The following SLC37A2 variants were observed in gnomAD, a reference collection of about 807,000 sequenced individuals.
SLC37A2 encodes glucose-6-phosphate exchanger SLC37A2.
A neutral mutation model predicts 70.7 loss-of-function variants in SLC37A2; 59 were observed. The ratio of observed to expected loss-of-function variants is 0.83; its 90% CI spans 0.68 to 1.04. The LOEUF is 1.04. Among genes scored for constraint, SLC37A2 ranks in the 50% least tolerant of loss-of-function variants. SLC37A2 has a pLI of 0.00. For synonymous variants in SLC37A2, 257 were observed against 262.1 expected (o/e 0.98, Z 0.19); for missense variants, 580 against 658.1 (o/e 0.88, Z 1.30).
chr11:125,084,791 C>T (rs373707344), intron 12 of SLC37A2, 34 bp from the exon 13 acceptor site: 49 of 1,609,530 alleles, frequency 3.0e-5, no homozygotes, highest in Admixed American at 6.7e-5. Flanking sequence ...AAAGGGATTC[C>T]GGGTGACTCT....
At position 125,083,499 on chromosome 11, in the gene SLC37A2, C is replaced by T. The variant is rs779610665; in HGVS notation, c.977-316C>T. On this transcript the variant is annotated intron_variant, in intron 10 of 17. Transcript: ENST00000403796. This position sits in a 1 kb window ranked among gnomAD's most constrained non-coding sequence, Gnocchi z 4.6. ...AAGGGCTGGGCTGAGCTTCAGGTTG[C>T]GCTCCAGGGGAAAGGTGGCCACGGG... The T allele has an allele frequency of 3.2e-5, 10 of 308,632 alleles. No homozygotes were observed. Among genetic ancestry groups the T allele is most frequent in the Non-Finnish European group, 5.5e-5 (9 of 162,686 alleles). The allele number at this position is 308,632 out of a possible 1,614,324, so 19.1% of individuals were successfully genotyped here.
chr11:125,084,796 G>C (rs1465624241), intron 12 of SLC37A2, 29 bp from the exon 13 acceptor site: 6 of 1,611,410 alleles, frequency 3.7e-6, no homozygotes, highest in Non-Finnish European at 5.1e-6. Context: ...GATTCCGGGT[G>C]ACTCTGCCTC....
chr11:125,068,251 A>T (rs1948999870), intron 1 of SLC37A2, among the ~76,000 whole-genome samples: 1 of 152,200 alleles, frequency 6.6e-6, no homozygotes, highest in Admixed American at 6.5e-5. Context: ...CATCAATAAA[A>T]GTCAGATGGG....
rs1358897431 is a variant in SLC37A2, at chr11:125,077,898, G to A, written c.314+370G>A. ...ACGGGAAGCATGCTGTTCCTTGCCAGGAATCCACGATCAATAAGGCTGCAT... is the reference window on the plus strand; with the variant it reads ...ACGGGAAGCATGCTGTTCCTTGCCAAGAATCCACGATCAATAAGGCTGCAT... On this transcript the variant is annotated intron_variant, in intron 4 of 17. Transcript: ENST00000403796. Among the ~76,000 whole-genome samples the A allele has an allele frequency of 2.0e-5, 3 of 152,182 alleles. No individual in the cohort carries two copies. In the East Asian group the frequency reaches 5.8e-4, roughly 29 times the overall value.
At chr11:125,082,092 C>T in intron 9 of SLC37A2, 152 bp from the exon 10 acceptor site, 1 of 968,132 alleles carries the variant, frequency 1.0e-6, no homozygotes, top group Admixed American at 2.1e-5. Flanking sequence ...GCACAGTGGT[C>T]ATGTTGCTTT....
chr11:125,074,726 TG>T (rs2135565312), intron 1 of SLC37A2, among the ~76,000 whole-genome samples: 1 of 152,274 alleles, frequency 6.6e-6, no homozygotes, highest in South Asian at 2.1e-4. Context: ...AGGTGCAGTC[TG>T]GCTTCCTAGT....
At position 125,080,888 on chromosome 11, in the gene SLC37A2, G is replaced by C; in HGVS notation, c.694+108G>C. The C allele has an allele frequency of 1.0e-6, 1 of 971,484 alleles. No individual in the cohort carries two copies. Among genetic ancestry groups the C allele is most frequent in the Non-Finnish European group, 1.4e-6 (1 of 722,382 alleles). 60.2% of individuals were successfully genotyped at this position (971,484 alleles called of 1,614,324 possible). A position where few individuals can be genotyped will look rare whatever the true frequency, so the allele number is the denominator to read the frequency against. ...TGCTGGTCACAGAGTGGGAGGACCA[G>C]CCGTGTGACTTTGGACAATCTTTCA... On this transcript the variant is annotated intron_variant, in intron 7 of 17. Transcript: ENST00000403796. This position sits in a 1 kb window ranked among gnomAD's most constrained non-coding sequence, Gnocchi z 4.3.
At position 125,083,754 on chromosome 11, in the gene SLC37A2, T is replaced by C. The variant is rs1338678443; in HGVS notation, c.977-61T>C. 7.6e-6 allele frequency: 11 copies of C among 1,452,100 alleles called. No individual in the cohort carries two copies. Among genetic ancestry groups the C allele is most frequent in the Non-Finnish European group, 9.7e-6 (10 of 1,032,502 alleles). 90.0% of individuals were successfully genotyped at this position (1,452,100 alleles called of 1,614,324 possible). A position where few individuals can be genotyped will look rare whatever the true frequency, so the allele number is the denominator to read the frequency against. ...TCACGCTCTGCAGGGCTTCTAGCTG[T>C]GACACTCCAGGATGTTTGCCCCAAA... On this transcript the variant is annotated intron_variant, in intron 10 of 17. Coordinates refer to ENST00000403796, the MANE Select transcript of SLC37A2 (RefSeq NM_001145290.2). The surrounding 1 kb of genome is among the most constrained non-coding windows in gnomAD (Gnocchi z 4.6).
At chr11:125,082,979 G>A (rs1473432818) in intron 10 of SLC37A2, among the ~76,000 whole-genome samples, 1 of 152,190 alleles carries the variant, frequency 6.6e-6, no homozygotes, top group Non-Finnish European at 1.5e-5. Flanking sequence ...AGGTCAGGCT[G>A]CTCTACCAAA....
Position 125,081,326 on chromosome 11 carries a change from G to A in SLC37A2, c.695-95G>A, listed in dbSNP as rs971126700. 12 of 1,292,714 alleles carry A rather than the reference G, an allele frequency of 9.3e-6. No individual in the cohort carries two copies. The African/African-American group carries it at 1.7e-4, about 18-fold the overall frequency. 80.1% of individuals were successfully genotyped at this position (1,292,714 alleles called of 1,614,324 possible). The stretch of plus-strand genomic sequence containing the variant: ...GGAGGCGGGGCTGGTTCCCGGGATG[G>A]CTTAGATCCAGTGCAAGGTGAGGGC... On this transcript the variant is annotated intron_variant, in intron 7 of 17. Transcript: ENST00000403796.
intron 17 of SLC37A2, chr11:125,087,668 T>C (rs7944192): frequency 0.18 from 27,453 of 152,818 alleles, 2,652 homozygotes; most frequent in Non-Finnish European, 0.21. Flanking sequence ...GTTTTGCTCT[T>C]ATTGCCCAGG....
chr11:125,079,108 C>T lies in SLC37A2; in HGVS notation c.315-4C>T, dbSNP rs1949120211. On this transcript the variant is annotated splice_region_variant and splice_polypyrimidine_tract_variant and intron_variant, in intron 4 of 17. Coordinates refer to ENST00000403796, the MANE Select transcript of SLC37A2 (RefSeq NM_001145290.2). ...AACCGCAGATCCAACTTTCTCTTCC[C>T]CAGTGGGGTTTTTGGGGAGCGGCTT... 3 of 1,614,124 alleles carry T rather than the reference C, an allele frequency of 1.9e-6. No individual in the cohort carries two copies. Among genetic ancestry groups the T allele is most frequent in the Non-Finnish European group, 2.5e-6 (3 of 1,179,984 alleles).
intron 14 of SLC37A2, 70 bp downstream of exon 14, chr11:125,085,209 C>G: frequency 6.8e-7 from 1 of 1,467,886 alleles, no homozygotes; most frequent in East Asian, 2.3e-5. Context: ...ATCTCCAGGT[C>G]CATTTCTCCC....
Position 125,088,278 on chromosome 11 carries a change from T to TGG in SLC37A2, c.*145_*146insGG. The TGG allele has an allele frequency of 1.1e-6, 1 of 894,484 alleles. No individual in the cohort carries two copies. The highest frequency in any genetic ancestry group is 1.7e-6 in the Non-Finnish European group (1 of 582,664). The allele number at this position is 894,484 out of a possible 1,614,324, so 55.4% of individuals were successfully genotyped here. On this transcript the variant is annotated 3_prime_UTR_variant, in exon 18 of 18. Transcript: ENST00000403796. ...GCCAGCCCAGCCCAGACCCCAGGGC[T>TGG]GCCTAAGGACACAGAGATTCTCCAT...
intron 9 of SLC37A2, 86 bp downstream of exon 9, chr11:125,081,992 T>C: frequency 1.4e-6 from 2 of 1,456,210 alleles, no homozygotes; most frequent in Non-Finnish European, 1.9e-6. Flanking sequence ...TTGGGTGATC[T>C]ATTTTTCTAG....
rs1405880443 is a variant in SLC37A2 at position 125,080,156 on chromosome 11, C to T, written c.527+396C>T. 1.3e-5 allele frequency among the ~76,000 whole-genome samples: 2 copies of T among 152,134 alleles called. No individual in the cohort carries two copies. Among genetic ancestry groups the T allele is most frequent in the African/African-American group, 4.8e-5 (2 of 41,420 alleles). ...ATTGGACCCTTGTTTGGGGACTGTC[C>T]TACCACTGCAGGCTGTTTAGTAGTA... is the stretch of plus-strand genomic sequence containing the variant. On this transcript the variant is annotated intron_variant, in intron 6 of 17. Transcript: ENST00000403796. This position sits in a 1 kb window ranked among gnomAD's most constrained non-coding sequence, Gnocchi z 4.3.
chr11:125,077,546 G>A lies in SLC37A2; in HGVS notation c.314+18G>A, dbSNP rs1433051984. The A allele has an allele frequency of 1.9e-6, 3 of 1,606,036 alleles. No individual in the cohort carries two copies. The highest frequency in any genetic ancestry group is 1.7e-6 in the Non-Finnish European group (2 of 1,174,554). On this transcript the variant is annotated intron_variant, in intron 4 of 17. Transcript: ENST00000403796. The stretch of plus-strand genomic sequence containing the variant: ...TTCATCAGGTAAGGACAGAGGCTGA[G>A]CCTATGACCAAGAGGAGGATGGTTT...
chr11:125,089,385 C>G lies in SLC37A2; in HGVS notation c.*1251C>G, dbSNP rs1011119875. ...TCGGCGCCTCCTCTGCCTGGGCTCC[C>G]ACTTTGGCGGCACTTGAGGAGCCCT... On this transcript the variant is annotated 3_prime_UTR_variant, in exon 18 of 18. Coordinates refer to ENST00000403796, the MANE Select transcript of SLC37A2 (RefSeq NM_001145290.2). 1.3e-5 allele frequency: 2 copies of G among 155,242 alleles called. No individual in the cohort carries two copies. The highest frequency in any genetic ancestry group is 4.8e-5 in the African/African-American group (2 of 41,506). The allele number at this position is 155,242 out of a possible 1,614,324, so 9.6% of individuals were successfully genotyped here.
In SLC37A2 at chr11:125,084,865, G is replaced by T; in HGVS notation, c.1166G>T (p.Ser389Ile). 6.2e-7 allele frequency: 1 copy of T among 1,613,690 alleles called. No individual in the cohort carries two copies. The highest frequency in any genetic ancestry group is 8.5e-7 in the Non-Finnish European group (1 of 1,179,840). ...YNYIGQDGIA[S>I]SIVMLIICGG... ...TACATTGGCCAGGACGGGATTGCCA[G>T]CTCCATAGGTGAGGAGGAGGTTGCA... The change falls in exon 13 of 18, where the codon AGC (serine) becomes ATC (isoleucine). Residue 389 changes from serine to isoleucine, a missense_variant. Physicochemically the swap from Ser to Ile is moderately radical, Grantham distance 142. Transcript: ENST00000403796.
Sources: gnomAD v4.1 joint callset for allele counts (sites outside exome capture counted in the v4.1 genomes callset) on GRCh38, gnomAD v4.1.1 for gene constraint, Gnocchi (gnomAD v3.1) non-coding constraint, MANE v1.5 for transcripts, NCBI Gene and HGNC (gene_info 2026-07-23, HGNC 2026-07-21) for gene names.